Variants in ADGRL4 observed in about 807,000 individuals in gnomAD.
The protein encoded by ADGRL4 is adhesion G protein-coupled receptor L4.
A neutral mutation model predicts 74.8 loss-of-function variants in ADGRL4; 90 were observed. That is an observed-to-expected ratio of 1.20 (90% CI 1.02 to 1.43). The LOEUF is 1.43. Ranked by LOEUF, ADGRL4 falls within the 40% of genes most tolerant of loss-of-function variation. ADGRL4 has a pLI of 0.00. For missense variants in ADGRL4, 881 were observed against 814.3 expected, an observed-to-expected ratio of 1.08 and a Z score of -1.00; for synonymous variants, 311 against 279.2, an observed-to-expected ratio of 1.11 and a Z score of -1.14.
intron 12 of ADGRL4, among the ~76,000 whole-genome samples, chr1:78,915,590 C>T (rs556752884): frequency 2.3e-3 from 353 of 151,978 alleles, no homozygotes; most frequent in Non-Finnish European, 3.6e-3. Context: ...AGCCATCATC[C>T]GCTGAGCTCC....
intron 3 of ADGRL4, among the ~76,000 whole-genome samples, chr1:78,945,947 A>G (rs1649591899): frequency 6.6e-6 from 1 of 152,124 alleles, no homozygotes; most frequent in Non-Finnish European, 1.5e-5. Context: ...GGAGTATTTT[A>G]TTATTCTAAA....
chr1:78,966,287 T>C (rs1267456465), intron 2 of ADGRL4, among the ~76,000 whole-genome samples: 1 of 152,016 alleles, frequency 6.6e-6, no homozygotes, highest in African/African-American at 2.4e-5. Context: ...GGACTCTGAG[T>C]TTGCGGAAAG....
At position 78,890,494 on chromosome 1, in the gene ADGRL4, C is replaced by T. The variant is rs529550134; in HGVS notation, c.*660G>A. On this transcript the variant is annotated 3_prime_UTR_variant, in exon 15 of 15. Coordinates refer to ENST00000370742, the MANE Select transcript of ADGRL4 (RefSeq NM_022159.4). ...TTTTTTTCAATTTGTGGAGGTAAAC[C>T]TTTTTTTTTTTTTTAGAATATTAGA... The T allele has an allele frequency of 1.5e-4, 21 of 138,476 alleles. No homozygotes were observed. Among genetic ancestry groups the T allele is most frequent in the African/African-American group, 4.7e-4 (18 of 37,942 alleles). 8.6% of individuals were successfully genotyped at this position (138,476 alleles called of 1,614,324 possible).
At chr1:78,965,083 AC>A (rs1384086602) in intron 2 of ADGRL4, among the ~76,000 whole-genome samples, 1 of 152,154 alleles carries the variant, frequency 6.6e-6, no homozygotes, top group African/African-American at 2.4e-5. Context: ...ACAGAAATGT[AC>A]CAAATTCAAA....
rs1602052 is a variant in ADGRL4, at chr1:78,968,509, G to C, written c.173-22083C>G. ...CTACTGGGGTGGAGGGCGGTGGGGG[G>C]GTGGGGGGGAGACGGGGGTCGGCAA... On this transcript the variant is annotated intron_variant, in intron 2 of 14. Coordinates refer to ENST00000370742, the MANE Select transcript of ADGRL4 (RefSeq NM_022159.4). Among the ~76,000 whole-genome samples, 14 of 123,628 alleles carry C rather than the reference G, an allele frequency of 1.1e-4. 2 individuals are homozygous for C. The highest frequency in any genetic ancestry group is 8.2e-4 in the Admixed American group (10 of 12,254). The allele number at this position is 123,628 out of a possible 152,430, so 81.1% of individuals were successfully genotyped here.
At chr1:78,987,379 T>G (rs2100731429) in intron 2 of ADGRL4, among the ~76,000 whole-genome samples, 1 of 151,888 alleles carries the variant, frequency 6.6e-6, no homozygotes, top group African/African-American at 2.4e-5. Flanking sequence ...GTTTGGGGTG[T>G]TTTGTAATGT....
chr1:78,980,439 T>A (rs531394577), intron 2 of ADGRL4, among the ~76,000 whole-genome samples: 12 of 152,068 alleles, frequency 7.9e-5, no homozygotes, highest in African/African-American at 2.9e-4. Flanking sequence ...TATATCATTG[T>A]CTCCAACAGA....
Position 78,918,058 on chromosome 1 carries a change from T to C in ADGRL4, c.1462-8A>G. 1 of 1,477,720 alleles carries C rather than the reference T, an allele frequency of 6.8e-7. No individual in the cohort carries two copies. The highest frequency in any genetic ancestry group is 9.2e-7 in the Non-Finnish European group (1 of 1,090,418). The allele number at this position is 1,477,720 out of a possible 1,614,324, so 91.5% of individuals were successfully genotyped here. ...AATGATTGAACAGAAGAGCTAGAAATCAAAGAAAAAAAAAAAAACATTGTC... is the reference window on the plus strand; with the variant it reads ...AATGATTGAACAGAAGAGCTAGAAACCAAAGAAAAAAAAAAAAACATTGTC... On this transcript the variant is annotated splice_region_variant and splice_polypyrimidine_tract_variant and intron_variant, in intron 10 of 14. Transcript: ENST00000370742.
At chr1:78,895,426 T>C (rs1003269416) in intron 12 of ADGRL4, among the ~76,000 whole-genome samples, 3 of 152,104 alleles carry the variant, frequency 2.0e-5, no homozygotes, top group African/African-American at 7.2e-5. Context: ...CAAATAATCA[T>C]ACAATCCTTA....
chr1:78,920,595 C>A (rs1027803907), intron 9 of ADGRL4, among the ~76,000 whole-genome samples: 7 of 151,878 alleles, frequency 4.6e-5, no homozygotes, highest in African/African-American at 1.4e-4. Context: ...TCATGTAGCA[C>A]TTTAACAGTT....
intron 12 of ADGRL4, among the ~76,000 whole-genome samples, chr1:78,912,773 A>G (rs1322827030): frequency 6.6e-6 from 1 of 151,784 alleles, no homozygotes; most frequent in Non-Finnish European, 1.5e-5. Flanking sequence ...CCTACACTTT[A>G]AAAAAAATTG....
At chr1:78,930,667 T>G (rs1014016835) in intron 7 of ADGRL4, among the ~76,000 whole-genome samples, 2 of 151,060 alleles carry the variant, frequency 1.3e-5, no homozygotes, top group African/African-American at 4.9e-5. Context: ...GCCAGGCTGT[T>G]CTTGAACTCC....
At chr1:78,997,821 T>C (rs922671518) in intron 2 of ADGRL4, among the ~76,000 whole-genome samples, 2 of 152,174 alleles carry the variant, frequency 1.3e-5, no homozygotes, top group East Asian at 3.9e-4. Flanking sequence ...GCCATTACCA[T>C]CTCTGAAGTA....
intron 2 of ADGRL4, among the ~76,000 whole-genome samples, chr1:78,999,002 T>C (rs1032820486): frequency 1.3e-5 from 2 of 151,706 alleles, no homozygotes; most frequent in Non-Finnish European, 3.0e-5. Context: ...AATATATAAT[T>C]TTTTTATTAA....
intron 13 of ADGRL4, 23 bp downstream of exon 13, chr1:78,893,075 A>AAAG: frequency 1.4e-6 from 2 of 1,386,040 alleles, no homozygotes; most frequent in Non-Finnish European, 9.8e-7. Flanking sequence ...AAAAAAAAAA[A>AAAG]GTGAACTTAA....
intron 2 of ADGRL4, among the ~76,000 whole-genome samples, chr1:78,995,465 A>G (rs1362708348): frequency 1.3e-5 from 2 of 152,228 alleles, no homozygotes. Flanking sequence ...GTGCCAGGTC[A>G]TAAGTGGAGA....
chr1:78,939,126 GA>G (rs1462640545), intron 4 of ADGRL4, 61 bp downstream of exon 4: 60 of 1,463,626 alleles, frequency 4.1e-5, no homozygotes, highest in Non-Finnish European at 5.4e-5. Flanking sequence ...GTGTGACATT[GA>G]AAGCATTTTA....
Position 78,926,981 on chromosome 1 carries a change from T to C in ADGRL4, c.988A>G (p.Arg330Gly). ...QNYDNSEEEE[R>G]VISSVISVSM... The stretch of plus-strand genomic sequence containing the variant: ...ACTGAAATTACTGAAGATATGACTC[T>C]TTCCTCCTCTTCAGAATTATCATAA... Residue 330 changes from arginine to glycine, a missense_variant, in exon 8 of 15, where the codon AGA becomes GGA. Arg to Gly is a moderately radical substitution (Grantham distance 125). Transcript: ENST00000370742. 2.5e-6 allele frequency: 4 copies of C among 1,611,722 alleles called. No homozygotes were observed. Among genetic ancestry groups the C allele is most frequent in the Non-Finnish European group, 1.7e-6 (2 of 1,178,396 alleles).
intron 2 of ADGRL4, among the ~76,000 whole-genome samples, chr1:78,984,738 C>T (rs2100729031): frequency 6.6e-6 from 1 of 151,800 alleles, no homozygotes; most frequent in African/African-American, 2.4e-5. Context: ...TTAATAATTG[C>T]ATTTAAAAAA....
Sources: gnomAD v4.1 joint callset for allele counts (sites outside exome capture counted in the v4.1 genomes callset) on GRCh38, gnomAD v4.1.1 for gene constraint, MANE v1.5 for transcripts, NCBI Gene and HGNC (gene_info 2026-07-23, HGNC 2026-07-21) for gene names.